The following GALNT13 variants were observed in gnomAD, a reference collection of about 807,000 sequenced individuals.
GALNT13 encodes UDP-GalNAc:polypeptide N-acetylgalactosaminyltransferase 13.
In GALNT13, 28 loss-of-function variants were observed where a neutral mutation model predicts 64.2. That is an observed-to-expected ratio of 0.44 (90% confidence interval 0.32 to 0.60). GALNT13 has a LOEUF of 0.60. GALNT13 is among the 20% of genes least tolerant of loss of function. The pLI, the probability that GALNT13 is intolerant of heterozygous loss-of-function variation, is 0.05. For missense variants in GALNT13, 577 were observed against 669.8 expected (o/e 0.86, Z 1.53); for synonymous variants, 214 against 224.6 (o/e 0.95, Z 0.42).
chr2:153,392,466 T>C, the GALNT13 span, among the ~76,000 whole-genome samples: 7 of 152,052 alleles, frequency 4.6e-5, no homozygotes, highest in African/African-American at 1.7e-4. Context: ...TAGTTGAGGA[T>C]CTTTATAATT....
At chr2:153,441,305 A>G in the GALNT13 span, among the ~76,000 whole-genome samples, 25 of 152,290 alleles carry the variant, frequency 1.6e-4, no homozygotes, top group South Asian at 4.6e-3. Flanking sequence ...CCATTGGTCT[A>G]TATATCTGTT....
At chr2:153,796,050 A>G in the GALNT13 span, among the ~76,000 whole-genome samples, 6 of 152,236 alleles carry the variant, frequency 3.9e-5, no homozygotes, top group African/African-American at 1.4e-4. Context: ...TTCTTAGTCC[A>G]GGTCAGAGAG....
intron 3 of GALNT13, among the ~76,000 whole-genome samples, chr2:153,995,412 T>C (rs1251084887): frequency 6.6e-6 from 1 of 152,210 alleles, no homozygotes; most frequent in Non-Finnish European, 1.5e-5. Flanking sequence ...AGAAGGGTTG[T>C]ATGTAAATTA....
chr2:153,626,148 T>G, the GALNT13 span, among the ~76,000 whole-genome samples: 2 of 152,116 alleles, frequency 1.3e-5, no homozygotes. Context: ...CATAAACCAT[T>G]GGTTCCCAGA....
chr2:153,235,433 C>T, the GALNT13 span, among the ~76,000 whole-genome samples: 1 of 152,026 alleles, frequency 6.6e-6, no homozygotes, highest in Non-Finnish European at 1.5e-5. Context: ...TTACATGATT[C>T]TTCATGAAGG....
At chr2:153,254,791 C>G in the GALNT13 span, among the ~76,000 whole-genome samples, 22 of 152,264 alleles carry the variant, frequency 1.4e-4, no homozygotes, top group Non-Finnish European at 8.8e-5. Context: ...GAGTGAGATT[C>G]TTAATCCTGA....
the GALNT13 span, among the ~76,000 whole-genome samples, chr2:153,538,046 T>A: frequency 6.6e-6 from 1 of 152,156 alleles, no homozygotes. Context: ...TTTGGGGGAC[T>A]CAGAAGAAAT....
At chr2:154,211,867 G>C (rs1190133568) in intron 4 of GALNT13, among the ~76,000 whole-genome samples, 1 of 151,922 alleles carries the variant, frequency 6.6e-6, no homozygotes, top group Non-Finnish European at 1.5e-5. Context: ...CCTTGAAGAG[G>C]TTTAAAGCAT....
At chr2:153,683,026 A>G in the GALNT13 span, among the ~76,000 whole-genome samples, 4 of 151,534 alleles carry the variant, frequency 2.6e-5, no homozygotes, top group East Asian at 1.9e-4. Flanking sequence ...AATGATTAGG[A>G]AAAAAAAGGA....
chr2:153,691,553 C>A, the GALNT13 span, among the ~76,000 whole-genome samples: 17 of 151,892 alleles, frequency 1.1e-4, no homozygotes, highest in Admixed American at 8.5e-4. Flanking sequence ...TATGTGTCAA[C>A]CTGAAAAAGA....
intron 4 of GALNT13, among the ~76,000 whole-genome samples, chr2:154,186,369 T>C (rs188243456): frequency 3.3e-5 from 5 of 152,200 alleles, no homozygotes; most frequent in Admixed American, 1.3e-4. Context: ...AACCATTATA[T>C]TTACGTATGT....
the GALNT13 span, among the ~76,000 whole-genome samples, chr2:153,507,730 G>T: frequency 6.6e-6 from 1 of 152,166 alleles, no homozygotes; most frequent in Admixed American, 6.5e-5. Context: ...ATCTTTGGGG[G>T]TGCTAAAGAA....
At chr2:153,499,669 G>C in the GALNT13 span, among the ~76,000 whole-genome samples, 1 of 152,242 alleles carries the variant, frequency 6.6e-6, no homozygotes, top group Non-Finnish European at 1.5e-5. Flanking sequence ...TTCCAGAGGG[G>C]GCTGAGGGGG....
chr2:154,325,302 G>C (rs761030595), intron 9 of GALNT13, among the ~76,000 whole-genome samples: 7 of 152,078 alleles, frequency 4.6e-5, no homozygotes, highest in Admixed American at 1.3e-4. Flanking sequence ...CTTTGCTTCT[G>C]TTCTCAATGT....
the GALNT13 span, among the ~76,000 whole-genome samples, chr2:153,201,436 C>A: frequency 3.3e-5 from 5 of 152,200 alleles, no homozygotes; most frequent in Non-Finnish European, 7.3e-5. Context: ...CAAGCCTATT[C>A]ATTTACTGGT....
intron 4 of GALNT13, among the ~76,000 whole-genome samples, chr2:154,165,163 A>T (rs1684956968): frequency 6.6e-6 from 1 of 152,122 alleles, no homozygotes; most frequent in Non-Finnish European, 1.5e-5. Flanking sequence ...GTGAGAGAAA[A>T]ATCAACAAAA....
intron 4 of GALNT13, among the ~76,000 whole-genome samples, chr2:154,184,438 T>G (rs1216545506): frequency 6.6e-6 from 1 of 152,280 alleles, no homozygotes; most frequent in East Asian, 1.9e-4. Flanking sequence ...TTAATTGCTT[T>G]TCTGTTTTTT....
chr2:153,751,959 A>AT, the GALNT13 span, among the ~76,000 whole-genome samples: 1 of 149,162 alleles, frequency 6.7e-6, no homozygotes, highest in South Asian at 2.1e-4. Flanking sequence ...TGGTGATATG[A>AT]TTTTCTTTCT....
chr2:153,879,976 A>ATTTTTT (rs1686670840), intron 1 of GALNT13, among the ~76,000 whole-genome samples: 1 of 152,180 alleles, frequency 6.6e-6, no homozygotes, highest in Non-Finnish European at 1.5e-5. Flanking sequence ...ATAATGTTGC[A>ATTTTTT]GACAAGAATA....
Sources: allele counts gnomAD v4.1 joint callset (sites outside exome capture counted in the v4.1 genomes callset), GRCh38; gene constraint gnomAD v4.1.1; transcripts MANE v1.5; gene names NCBI Gene and HGNC (gene_info 2026-07-23, HGNC 2026-07-21).